PCP4: variants seen among roughly 807,000 people sequenced by gnomAD.
PCP4 encodes the protein Purkinje cell protein 4, also known as calmodulin regulator protein PCP4.
A neutral mutation model predicts 10.0 loss-of-function variants in PCP4; 8 were observed. The observed-to-expected ratio is 0.80, with a 90% CI of 0.47 to 1.45. PCP4 has a LOEUF of 1.45. PCP4 is among the 40% of genes most tolerant of loss of function. The pLI, the probability that PCP4 is intolerant of heterozygous loss-of-function variation, is 0.00. For synonymous variants in PCP4, 21 were observed against 23.0 expected, an observed-to-expected ratio of 0.91 and a Z score of 0.24; for missense variants, 54 against 74.4, an observed-to-expected ratio of 0.73 and a Z score of 1.01.
At chr21:39,896,771 G>C (rs1033528696) in intron 1 of PCP4, among the ~76,000 whole-genome samples, 2 of 152,122 alleles carry the variant, frequency 1.3e-5, no homozygotes, top group Non-Finnish European at 2.9e-5. Context: ...CATTAATTAA[G>C]GGTTGACAAA....
chr21:39,897,333 A>G (rs1340580839), intron 1 of PCP4, among the ~76,000 whole-genome samples: 2 of 149,986 alleles, frequency 1.3e-5, no homozygotes, highest in Non-Finnish European at 3.0e-5. Context: ...GGTTGCAGTG[A>G]GCCAAGATCC....
chr21:39,920,319 T>C (rs370023974), intron 2 of PCP4, among the ~76,000 whole-genome samples: 1 of 141,668 alleles, frequency 7.1e-6, no homozygotes, highest in Non-Finnish European at 1.6e-5. Flanking sequence ...TGATGTGTGA[T>C]GTGTGATGTG....
At chr21:39,900,073 T>C (rs62235458) in intron 2 of PCP4, among the ~76,000 whole-genome samples, 21,234 of 152,140 alleles carry the variant, frequency 0.14, 1,693 homozygotes, top group Middle Eastern at 0.23. Context: ...TCACTCTTGT[T>C]GCCCAGGCTG....
At chr21:39,879,405 T>A (rs1169827448) in intron 1 of PCP4, among the ~76,000 whole-genome samples, 1 of 152,204 alleles carries the variant, frequency 6.6e-6, no homozygotes, top group African/African-American at 2.4e-5. Context: ...TAAAAATGAT[T>A]CATTTCATTT....
At chr21:39,875,567 C>T (rs1026320520) in intron 1 of PCP4, among the ~76,000 whole-genome samples, 14 of 152,184 alleles carry the variant, frequency 9.2e-5, no homozygotes, top group East Asian at 1.9e-4. Flanking sequence ...GGTGACTTGA[C>T]GTGATTTTAT....
At chr21:39,928,085 T>C (rs1369806996) in intron 2 of PCP4, among the ~76,000 whole-genome samples, 1 of 152,150 alleles carries the variant, frequency 6.6e-6, no homozygotes, top group Non-Finnish European at 1.5e-5. Flanking sequence ...AGGTGGTGTT[T>C]GGTTACATGA....
At chr21:39,901,321 A>C (rs141026249) in intron 2 of PCP4, among the ~76,000 whole-genome samples, 1 of 152,364 alleles carries the variant, frequency 6.6e-6, no homozygotes, top group African/African-American at 2.4e-5. Context: ...TACCTGGTTC[A>C]CACTTTGGGA....
At chr21:39,898,447 T>C (rs2087467818) in intron 1 of PCP4, 29 bp from the exon 2 acceptor site, 1 of 1,590,256 alleles carries the variant, frequency 6.3e-7, no homozygotes, top group South Asian at 1.1e-5. Context: ...TGATAACAAT[T>C]GCTTTTTTCT....
At chr21:39,898,045 C>CAAAAAA (rs780273912) in intron 1 of PCP4, among the ~76,000 whole-genome samples, 26 of 73,980 alleles carry the variant, frequency 3.5e-4, no homozygotes, top group South Asian at 5.2e-4. Flanking sequence ...GACTCAGTCT[C>CAAAAAA]AAAAAAAAAA....
chr21:39,896,806 T>C (rs1419798987), intron 1 of PCP4, among the ~76,000 whole-genome samples: 2 of 152,188 alleles, frequency 1.3e-5, no homozygotes, highest in Admixed American at 6.5e-5. Flanking sequence ...CTTATGGCAA[T>C]GTTGAACGTC....
chr21:39,877,393 C>T (rs888974282), intron 1 of PCP4, among the ~76,000 whole-genome samples: 1 of 151,952 alleles, frequency 6.6e-6, no homozygotes, highest in East Asian at 1.9e-4. Flanking sequence ...TGGAATGTTT[C>T]ATTAAGACCC....
At chr21:39,901,904 A>C (rs1027204001) in intron 2 of PCP4, among the ~76,000 whole-genome samples, 2 of 152,222 alleles carry the variant, frequency 1.3e-5, no homozygotes, top group Non-Finnish European at 2.9e-5. Context: ...GGAACAGCCC[A>C]AGAAAGATGA....
chr21:39,886,671 ACTCAACAGTG>A (rs1256246059), intron 1 of PCP4, among the ~76,000 whole-genome samples: 2 of 152,228 alleles, frequency 1.3e-5, no homozygotes, highest in Non-Finnish European at 2.9e-5. Flanking sequence ...TTCCAAATGA[ACTCAACAGTG>A]TGGGCTGGAC....
chr21:39,899,376 A>G (rs2087472363), intron 2 of PCP4, among the ~76,000 whole-genome samples: 1 of 152,200 alleles, frequency 6.6e-6, no homozygotes, highest in South Asian at 2.1e-4. Context: ...GCTTCCAACT[A>G]GATGAAATTG....
At chr21:39,921,809 T>C (rs531618204) in intron 2 of PCP4, among the ~76,000 whole-genome samples, 5 of 152,332 alleles carry the variant, frequency 3.3e-5, no homozygotes, top group African/African-American at 7.2e-5. Flanking sequence ...TAAATTCCCA[T>C]TGGTGAAGCC....
At chr21:39,911,007 G>C (rs760514790) in intron 2 of PCP4, among the ~76,000 whole-genome samples, 1 of 151,342 alleles carries the variant, frequency 6.6e-6, no homozygotes, top group Non-Finnish European at 1.5e-5. Context: ...GGCGCTTGTC[G>C]AATTCTGACT....
At chr21:39,918,411 T>G (rs906780444) in intron 2 of PCP4, among the ~76,000 whole-genome samples, 4 of 152,184 alleles carry the variant, frequency 2.6e-5, no homozygotes, top group Admixed American at 1.3e-4. Context: ...CGAGAGGCGC[T>G]CAGAGTAAAC....
At chr21:39,868,360 A>G (rs1333321976) in intron 1 of PCP4, among the ~76,000 whole-genome samples, 1 of 152,212 alleles carries the variant, frequency 6.6e-6, no homozygotes, top group African/African-American at 2.4e-5. Context: ...CAGATGGATG[A>G]TTCTTTTCTT....
At chr21:39,872,179 A>G (rs1601169412) in intron 1 of PCP4, among the ~76,000 whole-genome samples, 2 of 152,116 alleles carry the variant, frequency 1.3e-5, no homozygotes, top group South Asian at 2.1e-4. Context: ...TTGTAGTTTT[A>G]GTAGAGACAG....
Sources: allele counts gnomAD v4.1 joint callset (sites outside exome capture counted in the v4.1 genomes callset), GRCh38; gene constraint gnomAD v4.1.1; transcripts MANE v1.5; gene names NCBI Gene and HGNC (gene_info 2026-07-23, HGNC 2026-07-21).